ENPP6: variants seen among roughly 807,000 people sequenced by gnomAD.
ENPP6 encodes glycerophosphocholine cholinephosphodiesterase ENPP6.
ENPP6 carries 32 observed loss-of-function variants against 42.0 expected under a neutral mutation model. The ratio of observed to expected loss-of-function variants is 0.76; its 90% CI spans 0.58 to 1.02. The LOEUF is 1.02. ENPP6 is among the 50% of genes least tolerant of loss of function. The pLI is 0.00. For synonymous variants in ENPP6, 213 were observed against 216.0 expected (o/e 0.99, Z 0.12); for missense variants, 552 against 566.8 (o/e 0.97, Z 0.27).
chr4:184,198,132 A>C (rs1732832745), intron 1 of ENPP6, among the ~76,000 whole-genome samples: 2 of 152,264 alleles, frequency 1.3e-5, no homozygotes, highest in African/African-American at 4.8e-5. Context: ...AAAAGAGTGC[A>C]ACCTCAGCCA....
At chr4:184,093,054 T>A (rs1735834712) in intron 7 of ENPP6, among the ~76,000 whole-genome samples, 1 of 152,172 alleles carries the variant, frequency 6.6e-6, no homozygotes, top group Non-Finnish European at 1.5e-5. Flanking sequence ...TTGCTCCCTT[T>A]GGAGAATTAA....
At chr4:184,136,356 AG>A (rs899593669) in intron 2 of ENPP6, among the ~76,000 whole-genome samples, 1 of 152,042 alleles carries the variant, frequency 6.6e-6, no homozygotes, top group African/African-American at 2.4e-5. Flanking sequence ...AATTCTCTAC[AG>A]GATTTTAATC....
At chr4:184,191,468 T>C (rs1316199173) in intron 1 of ENPP6, among the ~76,000 whole-genome samples, 1 of 152,160 alleles carries the variant, frequency 6.6e-6, no homozygotes, top group East Asian at 1.9e-4. Context: ...GCTACAGAGA[T>C]AGGCCATCCA....
intron 1 of ENPP6, among the ~76,000 whole-genome samples, chr4:184,188,179 G>A (rs551345087): frequency 2.9e-4 from 44 of 152,158 alleles, no homozygotes; most frequent in Non-Finnish European, 5.1e-4. Context: ...AACAAACCCA[G>A]GGGTGTTTTG....
At chr4:184,176,907 G>A (rs1044076529) in intron 1 of ENPP6, among the ~76,000 whole-genome samples, 5 of 152,166 alleles carry the variant, frequency 3.3e-5, no homozygotes, top group South Asian at 2.1e-4. Flanking sequence ...CTGAAGCTCC[G>A]TTTTTTAATC....
intron 1 of ENPP6, among the ~76,000 whole-genome samples, chr4:184,202,306 C>T (rs1372330128): frequency 6.6e-6 from 1 of 152,212 alleles, no homozygotes; most frequent in Non-Finnish European, 1.5e-5. Flanking sequence ...TCAGGCTCTT[C>T]TTTCGTATTC....
chr4:184,199,836 C>T (rs1732862889), intron 1 of ENPP6, among the ~76,000 whole-genome samples: 1 of 152,208 alleles, frequency 6.6e-6, no homozygotes, highest in African/African-American at 2.4e-5. Context: ...CCACCCCAGT[C>T]CCCCCACTTT....
At chr4:184,118,378 C>T (rs181870983) in intron 3 of ENPP6, among the ~76,000 whole-genome samples, 3 of 152,282 alleles carry the variant, frequency 2.0e-5, no homozygotes, top group Admixed American at 6.5e-5. Context: ...TAAAGTTTAA[C>T]GAATGAACTA....
At chr4:184,213,230 T>C (rs912158014) in intron 1 of ENPP6, among the ~76,000 whole-genome samples, 8 of 152,080 alleles carry the variant, frequency 5.3e-5, no homozygotes, top group African/African-American at 1.5e-4. Flanking sequence ...AAAGCCAAAA[T>C]TGACAAATGG....
Position 184,116,889 on chromosome 4 carries a change from C to G in ENPP6, c.822G>C (p.Val274=). 1.2e-6 allele frequency: 2 copies of G among 1,614,052 alleles called. No individual in the cohort carries two copies. Among genetic ancestry groups the G allele is most frequent in the Non-Finnish European group, 1.7e-6 (2 of 1,180,024 alleles). Residue 274 remains valine, a synonymous_variant, in exon 5 of 8, where the codon GTG becomes GTC. Coordinates refer to ENST00000296741, the MANE Select transcript of ENPP6 (RefSeq NM_153343.4). ...LQQVKDRGPV[V]SLWPAPGKHS... ...GTTTCCCAGGGGCCGGCCAAAGGCT[C>G]ACAACAGGCCCGCGGTCCTTCACTT... is the stretch of plus-strand genomic sequence containing the variant.
intron 2 of ENPP6, among the ~76,000 whole-genome samples, chr4:184,149,375 T>C (rs2111074089): frequency 6.6e-6 from 1 of 152,372 alleles, no homozygotes; most frequent in Middle Eastern, 3.4e-3. Flanking sequence ...GCATGCCTCC[T>C]ATTATCCAGA....
chr4:184,122,927 T>C (rs1428583598), intron 3 of ENPP6, among the ~76,000 whole-genome samples: 2 of 152,212 alleles, frequency 1.3e-5, no homozygotes, highest in Non-Finnish European at 2.9e-5. Context: ...TCTGCTTCAC[T>C]CGCACAAAAC....
chr4:184,210,932 C>T (rs1733099206), intron 1 of ENPP6, among the ~76,000 whole-genome samples: 1 of 151,490 alleles, frequency 6.6e-6, no homozygotes. Context: ...GATTAAGAAT[C>T]TCACTCAAAA....
At chr4:184,194,716 G>C (rs976838483) in intron 1 of ENPP6, among the ~76,000 whole-genome samples, 2 of 152,186 alleles carry the variant, frequency 1.3e-5, no homozygotes, top group Non-Finnish European at 2.9e-5. Flanking sequence ...CGCCCTGCTT[G>C]GTGGCAGAAC....
At chr4:184,180,622 G>A (rs1369946697) in intron 1 of ENPP6, among the ~76,000 whole-genome samples, 1 of 152,146 alleles carries the variant, frequency 6.6e-6, no homozygotes, top group East Asian at 1.9e-4. Flanking sequence ...TAAAATACTG[G>A]CAAACTGAAC....
At chr4:184,205,097 A>AT (rs1156427605) in intron 1 of ENPP6, among the ~76,000 whole-genome samples, 2 of 151,866 alleles carry the variant, frequency 1.3e-5, no homozygotes, top group African/African-American at 2.4e-5. Context: ...AACCAGCTAA[A>AT]TTTTTTTGTA....
chr4:184,134,323 T>C (rs955508885), intron 2 of ENPP6, among the ~76,000 whole-genome samples: 2 of 152,132 alleles, frequency 1.3e-5, no homozygotes, highest in Non-Finnish European at 2.9e-5. Flanking sequence ...TGTAAGATTG[T>C]TATTATTTTT....
chr4:184,213,569 T>C (rs1328939044), intron 1 of ENPP6, among the ~76,000 whole-genome samples: 23 of 151,066 alleles, frequency 1.5e-4, no homozygotes, highest in African/African-American at 5.3e-4. Flanking sequence ...AGAATGGCAA[T>C]CATTAAAAAC....
intron 2 of ENPP6, among the ~76,000 whole-genome samples, chr4:184,146,373 C>T (rs1335334504): frequency 4.7e-5 from 7 of 150,272 alleles, no homozygotes; most frequent in African/African-American, 9.8e-5. Flanking sequence ...GAGGTTGCAG[C>T]GAGCTGAGAT....
Sources: gnomAD v4.1 joint callset for allele counts (sites outside exome capture counted in the v4.1 genomes callset) on GRCh38, gnomAD v4.1.1 for gene constraint, MANE v1.5 for transcripts, NCBI Gene and HGNC (gene_info 2026-07-23, HGNC 2026-07-21) for gene names.